The following PTER variants were observed in gnomAD, a reference collection of about 807,000 sequenced individuals.
The protein encoded by PTER is phosphotriesterase related, also known as N-acetyltaurine hydrolase.
A neutral mutation model predicts 29.6 loss-of-function variants in PTER; 38 were observed. The observed-to-expected ratio is 1.28, with a 90% confidence interval of 0.99 to 1.68. The LOEUF (loss-of-function observed/expected upper bound fraction) is 1.68. Ranked by LOEUF, PTER falls within the 40% of genes most tolerant of loss-of-function variation. The probability of loss-of-function intolerance (pLI) is 0.00; values close to 1 mark genes in which losing one functional copy is unlikely to be tolerated. For synonymous variants in PTER, 172 were observed against 154.5 expected (o/e 1.11, Z -0.84); for missense variants, 482 against 427.8 (o/e 1.13, Z -1.12).
chr10:16,449,216 A>G (rs1236653937), intron 1 of PTER, among the ~76,000 whole-genome samples: 2 of 152,128 alleles, frequency 1.3e-5, no homozygotes, highest in African/African-American at 4.8e-5. Flanking sequence ...TTCCCAGCAT[A>G]GTAGCCCTCA....
chr10:16,505,307 G>A, intron 4 of PTER, 147 bp downstream of exon 4: 7 of 1,053,478 alleles, frequency 6.6e-6, no homozygotes, highest in Non-Finnish European at 9.4e-6. Context: ...GCTGTTTCAG[G>A]GAGAAAAATC....
At chr10:16,518,047 C>T (rs1836980984), downstream of PTER, among the ~76,000 whole-genome samples, 1 of 152,156 alleles carries the variant, frequency 6.6e-6, no homozygotes, top group Non-Finnish European at 1.5e-5. Flanking sequence ...ATCCATAGAA[C>T]ATTACACTGA....
rs374263810 is a variant in PTER at position 16,511,119 on chromosome 10, C to A, written c.913C>A (p.Leu305Met). The change falls in exon 5 of 5, where the codon CTG becomes ATG. Residue 305 changes from leucine (L) to methionine (M), a missense_variant. Coordinates refer to ENST00000535784, the MANE Select transcript of PTER (RefSeq NM_001261836.2). ...ACATGACATACATACGAAAACCCGG[C>A]TGATGAAATATGGAGGTCACGGCTA... is the stretch of plus-strand genomic sequence containing the variant. Reference protein sequence around the residue: ...VAHDIHTKTRLMKYGGHGYSH... With the variant: ...VAHDIHTKTRMMKYGGHGYSH... 1.2e-6 allele frequency: 2 copies of A among 1,613,978 alleles called. No individual in the cohort carries two copies. Among genetic ancestry groups the A allele is most frequent in the African/African-American group, 1.3e-5 (1 of 74,910 alleles).
chr10:16,491,858 A>C (rs1386542257), intron 3 of PTER, among the ~76,000 whole-genome samples: 1 of 152,188 alleles, frequency 6.6e-6, no homozygotes, highest in Non-Finnish European at 1.5e-5. Context: ...AAAATATTAC[A>C]GTGTGCCCCC....
At chr10:16,455,507 A>T (rs1381377262) in intron 1 of PTER, among the ~76,000 whole-genome samples, 1 of 152,176 alleles carries the variant, frequency 6.6e-6, no homozygotes, top group Non-Finnish European at 1.5e-5. Context: ...CCTGGGCAAC[A>T]TATCAATACC....
intron 1 of PTER, among the ~76,000 whole-genome samples, chr10:16,466,773 A>G (rs543804320): frequency 9.4e-4 from 143 of 152,330 alleles, no homozygotes; most frequent in African/African-American, 3.3e-3. Context: ...AATACCTTTT[A>G]GATATACTGT....
At chr10:16,500,312 C>A (rs572399337) in intron 3 of PTER, among the ~76,000 whole-genome samples, 1 of 151,394 alleles carries the variant, frequency 6.6e-6, no homozygotes, top group African/African-American at 2.4e-5. Context: ...TGCAGCAGTG[C>A]GACCATAGCT....
intron 4 of PTER, among the ~76,000 whole-genome samples, chr10:16,508,132 A>C (rs7071935): frequency 0.077 from 11,084 of 144,276 alleles, 778 homozygotes; most frequent in African/African-American, 0.18. Flanking sequence ...GCAGTGGCGC[A>C]ATCTCACCTC....
intron 3 of PTER, among the ~76,000 whole-genome samples, chr10:16,502,513 T>C (rs1836390291): frequency 6.6e-6 from 1 of 152,164 alleles, no homozygotes; most frequent in Non-Finnish European, 1.5e-5. Context: ...TTAGCCTCCC[T>C]GCCTAAAACA....
chr10:16,488,517 A>G (rs1206283284), intron 3 of PTER, among the ~76,000 whole-genome samples: 1 of 151,874 alleles, frequency 6.6e-6, no homozygotes, highest in Non-Finnish European at 1.5e-5. Context: ...ATACAGTGTA[A>G]TTGTTCTATA....
chr10:16,472,423 G>T (rs1015161500), intron 1 of PTER, among the ~76,000 whole-genome samples: 1 of 152,160 alleles, frequency 6.6e-6, no homozygotes. Flanking sequence ...CCCCCATACT[G>T]TTCTCCTGGT....
chr10:16,505,132 A>C lies in PTER; in HGVS notation c.811A>C (p.Met271Leu), dbSNP rs758683802. Residue 271 changes from methionine to leucine, a missense_variant, in exon 4 of 5, where the codon ATG becomes CTG. Physicochemically the swap from Met to Leu is conservative, Grantham distance 15. Coordinates refer to ENST00000535784, the MANE Select transcript of PTER (RefSeq NM_001261836.2). ...LHYQLGPDID[M>L]PDDNKRIRRV... is the part of the protein sequence containing the mutation. ...TTACCAACTCGGCCCAGATATTGACATGCCTGATGATAACAAAAGAATTAG... is the reference window on the plus strand; with the variant it reads ...TTACCAACTCGGCCCAGATATTGACCTGCCTGATGATAACAAAAGAATTAG... 2.5e-5 allele frequency: 40 copies of C among 1,613,908 alleles called. No individual in the cohort carries two copies. The highest frequency in any genetic ancestry group is 3.4e-5 in the Non-Finnish European group (40 of 1,179,936).
chr10:16,478,647 A>G (rs1835368430), intron 1 of PTER, among the ~76,000 whole-genome samples: 1 of 152,072 alleles, frequency 6.6e-6, no homozygotes, highest in African/African-American at 2.4e-5. Context: ...TTTAAAAAAA[A>G]AAAAAATGTT....
intron 1 of PTER, among the ~76,000 whole-genome samples, chr10:16,454,951 A>C (rs1210627992): frequency 6.6e-6 from 1 of 152,218 alleles, no homozygotes; most frequent in East Asian, 1.9e-4. Flanking sequence ...TAAACTGGCC[A>C]GGTGCAGTGG....
At chr10:16,441,576 G>A (rs1833850973) in intron 1 of PTER, among the ~76,000 whole-genome samples, 1 of 152,110 alleles carries the variant, frequency 6.6e-6, no homozygotes, top group Non-Finnish European at 1.5e-5. Context: ...CATTCTTAGG[G>A]GACACTGGCT....
chr10:16,501,921 G>A (rs1389754320), intron 3 of PTER, among the ~76,000 whole-genome samples: 1 of 152,158 alleles, frequency 6.6e-6, no homozygotes, highest in Admixed American at 6.5e-5. Flanking sequence ...AATGCACTTT[G>A]CACAATGTCA....
intron 4 of PTER, among the ~76,000 whole-genome samples, chr10:16,509,834 T>A (rs1404967944): frequency 2.0e-5 from 3 of 152,200 alleles, no homozygotes; most frequent in South Asian, 4.1e-4. Flanking sequence ...AGTGCTTGCA[T>A]TCCTTTGACC....
chr10:16,443,858 G>A (rs1833926921), intron 1 of PTER, among the ~76,000 whole-genome samples: 1 of 152,190 alleles, frequency 6.6e-6, no homozygotes, highest in African/African-American at 2.4e-5. Flanking sequence ...AGAGTATGCT[G>A]TGGTCCTATC....
chr10:16,506,231 G>A (rs73595344), intron 4 of PTER, among the ~76,000 whole-genome samples: 5,901 of 152,214 alleles, frequency 0.039, 370 homozygotes, highest in African/African-American at 0.13. Context: ...TGGGTGGGCC[G>A]TGAGGAAGAG....
Sources: gnomAD v4.1 joint callset for allele counts (sites outside exome capture counted in the v4.1 genomes callset) on GRCh38, gnomAD v4.1.1 for gene constraint, MANE v1.5 for transcripts, NCBI Gene and HGNC (gene_info 2026-07-23, HGNC 2026-07-21) for gene names.